LAMP5: variants seen among roughly 807,000 people sequenced by gnomAD.
The protein encoded by LAMP5 is lysosome-associated membrane glycoprotein 5.
LAMP5 carries 36 observed loss-of-function variants against 30.2 expected under a neutral mutation model. That is an observed-to-expected ratio of 1.19 (90% CI 0.91 to 1.57). The LOEUF (loss-of-function observed/expected upper bound fraction) is 1.57. Among genes scored for constraint, LAMP5 ranks in the 40% most tolerant of loss-of-function variants. The pLI, the probability that LAMP5 is intolerant of heterozygous loss-of-function variation, is 0.00. For synonymous variants in LAMP5, 149 were observed against 134.6 expected, an observed-to-expected ratio of 1.11 and a Z score of -0.74; for missense variants, 377 against 354.9, an observed-to-expected ratio of 1.06 and a Z score of -0.50.
rs761808367 is a variant in LAMP5, at chr20:9,516,034, G to A, written c.272G>A (p.Arg91Gln). The A allele has an allele frequency of 1.3e-6, 2 of 1,534,086 alleles. No homozygotes were observed. Among genetic ancestry groups the A allele is most frequent in the Non-Finnish European group, 1.7e-6 (2 of 1,147,060 alleles). Reference protein sequence around the residue: ...ITEQADIALTRGAEVKGRCGH... With the variant: ...ITEQADIALTQGAEVKGRCGH... ...GAACAGGCCGATATCGCATTGACCC[G>A]GGGAGCTGAGGTGAAGGGCCGCTGT... Residue 91 changes from arginine (R) to glutamine (Q), a missense_variant, in exon 3 of 6, where the codon CGG becomes CAG. Coordinates refer to ENST00000246070, the MANE Select transcript of LAMP5 (RefSeq NM_012261.4).
In LAMP5 at chr20:9,526,412, AAAAT is replaced by A. The variant is rs1443277840; in HGVS notation, c.665-3223_665-3220del. On this transcript the variant is annotated intron_variant, in intron 5 of 5. Coordinates refer to ENST00000246070, the MANE Select transcript of LAMP5 (RefSeq NM_012261.4). ...TGGGCAACAGAGTGTTATCATGAGG[AAAAT>A]AAATAACCTTTGTTGTTAACAAAAT... 4.6e-5 allele frequency among the ~76,000 whole-genome samples: 7 copies of A among 152,244 alleles called. No homozygotes were observed. In the East Asian group the frequency reaches 1.3e-3, roughly 29 times the overall value.
At position 9,526,538 on chromosome 20, in the gene LAMP5, G is replaced by T. The variant is rs935215884; in HGVS notation, c.665-3104G>T. Among the ~76,000 whole-genome samples the T allele has an allele frequency of 4.6e-5, 7 of 152,238 alleles. No homozygotes were observed. The East Asian group carries it at 1.2e-3, about 25-fold the overall frequency. ...AAGACCGCCATGCTGGCATCATGAA[G>T]TTCTAGGCCTGCCACTCTTTCTGAT... On this transcript the variant is annotated intron_variant, in intron 5 of 5. Coordinates refer to ENST00000246070, the MANE Select transcript of LAMP5 (RefSeq NM_012261.4).
At chr20:9,520,935 G>T (rs2045075913) in intron 5 of LAMP5, among the ~76,000 whole-genome samples, 1 of 147,212 alleles carries the variant, frequency 6.8e-6, no homozygotes, top group Non-Finnish European at 1.5e-5. Flanking sequence ...CAATGACTGT[G>T]GTGATATTGT....
chr20:9,518,080 G>C lies in LAMP5; in HGVS notation c.516G>C (p.Leu172Phe). Residue 172 changes from leucine to phenylalanine, a missense_variant, in exon 5 of 6, where the codon TTG (leucine) becomes TTC (phenylalanine). Coordinates refer to ENST00000246070, the MANE Select transcript of LAMP5 (RefSeq NM_012261.4). ...CCAACTCGCACCACCTCTCTGCCTT[G>C]GTCACCCCCGCTGGGAAGTCCTATG... The part of the protein sequence containing the change: ...HTANSHHLSA[L>F]VTPAGKSYEC... 6.2e-7 allele frequency: 1 copy of C among 1,614,066 alleles called. No individual in the cohort carries two copies. Among genetic ancestry groups the C allele is most frequent in the Non-Finnish European group, 8.5e-7 (1 of 1,180,018 alleles).
intron 1 of LAMP5, among the ~76,000 whole-genome samples, chr20:9,515,220 T>A (rs894402023): frequency 3.3e-5 from 5 of 151,452 alleles, no homozygotes; most frequent in Middle Eastern, 3.4e-3. Context: ...CAGCCAGCTA[T>A]ATTACAAACA....
Position 9,518,908 on chromosome 20 carries a change from G to A in LAMP5, c.664+680G>A, listed in dbSNP as rs896211581. Among the ~76,000 whole-genome samples the A allele has an allele frequency of 1.6e-4, 4 of 24,926 alleles. 1 individual carries two copies. Among genetic ancestry groups the A allele is most frequent in the Admixed American group, 1.6e-3 (4 of 2,500 alleles). 16.4% of individuals were successfully genotyped at this position (24,926 alleles called of 152,430 possible). On this transcript the variant is annotated intron_variant, in intron 5 of 5. Coordinates refer to ENST00000246070, the MANE Select transcript of LAMP5 (RefSeq NM_012261.4). ...ATATCCTTAAGCTCCAGGGAGGGAA[G>A]GGTACCTGAAGGCTGAGCCGTTTAA...
chr20:9,516,407 A>G, intron 4 of LAMP5, 46 bp downstream of exon 4: 1 of 1,478,166 alleles, frequency 6.8e-7, no homozygotes, highest in East Asian at 2.3e-5. Context: ...GGGAACTCGC[A>G]GAACAGGCTT....
Position 9,518,022 on chromosome 20 carries a change from T to C in LAMP5, c.476-18T>C, listed in dbSNP as rs1186472720. The C allele has an allele frequency of 8.8e-7, 1 of 1,141,592 alleles. No individual in the cohort carries two copies. The highest frequency in any genetic ancestry group is 2.5e-5 in the East Asian group (1 of 40,058). 70.7% of individuals were successfully genotyped at this position (1,141,592 alleles called of 1,614,324 possible). On this transcript the variant is annotated intron_variant, in intron 4 of 5. Coordinates refer to ENST00000246070, the MANE Select transcript of LAMP5 (RefSeq NM_012261.4). ...GAACAATGAGGGTTCTAACTATTGC[T>C]CTGGGCTCTTGCTGTAGCTGGGAAG...
At position 9,519,407 on chromosome 20, in the gene LAMP5, A is replaced by G. The variant is rs553516406; in HGVS notation, c.664+1179A>G. ...CTCAACCTATTCCAGAATAGAATGC[A>G]CCACCTTCCACCTTGATTATTGAGA... On this transcript the variant is annotated intron_variant, in intron 5 of 5. Transcript: ENST00000246070. Among the ~76,000 whole-genome samples the G allele has an allele frequency of 3.3e-5, 5 of 152,292 alleles. No individual in the cohort carries two copies. The South Asian group carries it at 1.0e-3, about 32-fold the overall frequency.
chr20:9,518,362 T>C, intron 5 of LAMP5, 134 bp downstream of exon 5: 1 of 717,306 alleles, frequency 1.4e-6, no homozygotes, highest in African/African-American at 1.8e-5. Context: ...GCCTCTTTAA[T>C]AATTTTCAAA....
At chr20:9,528,315 T>C (rs1297765511) in intron 5 of LAMP5, among the ~76,000 whole-genome samples, 1 of 138,848 alleles carries the variant, frequency 7.2e-6, no homozygotes. Flanking sequence ...TGTGTGTGTG[T>C]GTGTGTGCGT....
chr20:9,514,798 C>T lies in LAMP5; in HGVS notation c.-55C>T. 2 of 1,566,400 alleles carry T rather than the reference C, an allele frequency of 1.3e-6. No homozygotes were observed. Among genetic ancestry groups the T allele is most frequent in the South Asian group, 2.2e-5 (2 of 89,646 alleles). On this transcript the variant is annotated 5_prime_UTR_variant, in exon 1 of 6. Transcript: ENST00000246070. ...CTCCAGCGGCGACTTTGAGGGATTC[C>T]CTCTCTGGCGGCCTCTGCAGCAGCA...
intron 1 of LAMP5, 46 bp from the exon 2 acceptor site, chr20:9,515,407 G>C (rs977066627): frequency 6.4e-7 from 1 of 1,570,774 alleles, no homozygotes; most frequent in African/African-American, 1.3e-5. Flanking sequence ...CCCGAGACGC[G>C]TGGGCTGAGC....
chr20:9,525,836 C>T (rs1231280006), intron 5 of LAMP5, among the ~76,000 whole-genome samples: 2 of 152,174 alleles, frequency 1.3e-5, no homozygotes, highest in African/African-American at 2.4e-5. Flanking sequence ...TGTCCATGTT[C>T]TCCAGTGATT....
chr20:9,526,308 TTAAG>T (rs1482754653), intron 5 of LAMP5, among the ~76,000 whole-genome samples: 1 of 152,230 alleles, frequency 6.6e-6, no homozygotes, highest in Non-Finnish European at 1.5e-5. Context: ...ATGTATTGTA[TTAAG>T]TAAGAAAAAA....
chr20:9,518,487 T>G (rs527567284), intron 5 of LAMP5, among the ~76,000 whole-genome samples: 6 of 152,370 alleles, frequency 3.9e-5, no homozygotes, highest in Non-Finnish European at 8.8e-5. Context: ...AGTCTCCCTT[T>G]GTTTCCTCCT....
At chr20:9,527,932 T>C (rs1433240098) in intron 5 of LAMP5, among the ~76,000 whole-genome samples, 1 of 151,704 alleles carries the variant, frequency 6.6e-6, no homozygotes, top group Non-Finnish European at 1.5e-5. Context: ...AGATGTTCAT[T>C]TGTAAAAATT....
intron 5 of LAMP5, among the ~76,000 whole-genome samples, chr20:9,528,738 G>A (rs2122852193): frequency 6.6e-6 from 1 of 152,146 alleles, no homozygotes; most frequent in East Asian, 1.9e-4. Flanking sequence ...TCCAACACAG[G>A]TGAAAGTTCC....
chr20:9,516,614 G>A (rs1316824374), intron 4 of LAMP5, among the ~76,000 whole-genome samples: 2 of 152,142 alleles, frequency 1.3e-5, no homozygotes, highest in East Asian at 3.9e-4. Context: ...TAGATAAGAA[G>A]TCCCTTGAAG....
Sources: allele counts gnomAD v4.1 joint callset (sites outside exome capture counted in the v4.1 genomes callset), GRCh38; gene constraint gnomAD v4.1.1; transcripts MANE v1.5; gene names NCBI Gene and HGNC (gene_info 2026-07-23, HGNC 2026-07-21).